Variants in LY96 observed in about 807,000 individuals in gnomAD.
The protein encoded by LY96 is lymphocyte antigen 96.
LY96 carries 18 observed loss-of-function variants against 18.9 expected under a neutral mutation model. The ratio of observed to expected loss-of-function variants is 0.95; its 90% CI spans 0.66 to 1.41. The LOEUF (loss-of-function observed/expected upper bound fraction) is 1.41, where lower values mean the gene tolerates loss of function less well. Among genes scored for constraint, LY96 ranks in the 40% most tolerant of loss-of-function variants. The probability of loss-of-function intolerance (pLI) is 0.00; values close to 1 mark genes in which losing one functional copy is unlikely to be tolerated. For synonymous variants in LY96, 66 were observed against 62.6 expected (o/e 1.06, Z -0.26); for missense variants, 175 against 182.4 (o/e 0.96, Z 0.23).
At chr8:74,017,136 AG>A (rs1387431564) in intron 3 of LY96, among the ~76,000 whole-genome samples, 1 of 152,238 alleles carries the variant, frequency 6.6e-6, no homozygotes, top group Non-Finnish European at 1.5e-5. Context: ...ACCCATCGCA[AG>A]GAAGCTAAAA....
chr8:74,012,363 A>G (rs1816548632), intron 3 of LY96, among the ~76,000 whole-genome samples: 1 of 152,256 alleles, frequency 6.6e-6, no homozygotes, highest in Admixed American at 6.5e-5. Context: ...CATTAAAAAA[A>G]TGAAATCATG....
the LY96 span, among the ~76,000 whole-genome samples, chr8:74,078,687 T>C: frequency 1.1e-4 from 16 of 152,288 alleles, no homozygotes; most frequent in South Asian, 3.1e-3. Flanking sequence ...AAATGCAAGC[T>C]GCACTGGTCC....
intron 3 of LY96, among the ~76,000 whole-genome samples, chr8:74,023,894 A>G (rs534891915): frequency 2.6e-5 from 4 of 152,232 alleles, no homozygotes; most frequent in Non-Finnish European, 5.9e-5. Context: ...ATGATATTAA[A>G]TTGCAATAAA....
chr8:74,021,475 A>G (rs568514017), intron 3 of LY96, among the ~76,000 whole-genome samples: 4 of 152,240 alleles, frequency 2.6e-5, no homozygotes, highest in African/African-American at 4.8e-5. Flanking sequence ...TGTTGGTGGG[A>G]GTGTAAACTA....
At chr8:74,040,041 G>C in the LY96 span, among the ~76,000 whole-genome samples, 1 of 152,074 alleles carries the variant, frequency 6.6e-6, no homozygotes, top group Admixed American at 6.5e-5. Context: ...GCCCTCAAGC[G>C]GCCCTTATGC....
the LY96 span, among the ~76,000 whole-genome samples, chr8:74,049,569 A>G: frequency 6.6e-6 from 1 of 152,200 alleles, no homozygotes; most frequent in African/African-American, 2.4e-5. Context: ...AATAAGTGCA[A>G]AAAGAAAAAA....
At chr8:74,032,588 G>A (rs532720492), downstream of LY96, among the ~76,000 whole-genome samples, 7 of 152,170 alleles carry the variant, frequency 4.6e-5, no homozygotes, top group Non-Finnish European at 8.8e-5. Context: ...TTGCTCAGTC[G>A]GAGAGCTCGG....
chr8:74,007,643 CTGAT>C (rs1816441461), intron 2 of LY96, among the ~76,000 whole-genome samples: 1 of 152,222 alleles, frequency 6.6e-6, no homozygotes, highest in Non-Finnish European at 1.5e-5. Context: ...ATATTATTAA[CTGAT>C]TGACAAATCA....
the LY96 span, among the ~76,000 whole-genome samples, chr8:74,065,206 A>C: frequency 1.3e-5 from 2 of 152,198 alleles, no homozygotes. Context: ...GTAATGATTT[A>C]TATCTTTGCC....
rs1563710943 is a variant in LY96 at position 74,002,093 on chromosome 8, T to TTCTTTCTTTC, written c.113-2700_113-2699insTTCTTTCTCT. Among the ~76,000 whole-genome samples the TTCTTTCTTTC allele has an allele frequency of 2.5e-3, 96 of 38,724 alleles. 13 individuals are homozygous for TTCTTTCTTTC. The highest frequency in any genetic ancestry group is 4.7e-3 in the Admixed American group (13 of 2,770). The allele number at this position is 38,724 out of a possible 152,430, so 25.4% of individuals were successfully genotyped here. On this transcript the variant is annotated intron_variant, in intron 1 of 4. Transcript: ENST00000284818. ...TTCCTTCCTTTCTTTCTTTCTTTCT[T>TTCTTTCTTTC]TCTCTCTCTCTCTCTCTCTCTCTCT... is the stretch of plus-strand genomic sequence containing the variant.
the LY96 span, among the ~76,000 whole-genome samples, chr8:74,064,904 G>A: frequency 1.3e-5 from 2 of 152,144 alleles, no homozygotes; most frequent in Admixed American, 6.5e-5. Flanking sequence ...TACATAAGCT[G>A]TACATTAGTG....
At chr8:74,013,425 G>A (rs1003872485) in intron 3 of LY96, among the ~76,000 whole-genome samples, 6 of 151,944 alleles carry the variant, frequency 3.9e-5, no homozygotes, top group East Asian at 1.9e-4. Context: ...GTGAGCCACC[G>A]CACCTGGCCC....
At chr8:74,077,546 G>A in the LY96 span, among the ~76,000 whole-genome samples, 1 of 152,262 alleles carries the variant, frequency 6.6e-6, no homozygotes, top group South Asian at 2.1e-4. Flanking sequence ...AGGACTGATA[G>A]ATAAAACAAG....
chr8:74,092,841 G>T, the LY96 span, among the ~76,000 whole-genome samples: 287 of 152,108 alleles, frequency 1.9e-3, 7 homozygotes, highest in South Asian at 0.042. Flanking sequence ...AGTTCTTGCC[G>T]CCTCCTCTCT....
chr8:74,005,742 G>C (rs141253993), intron 2 of LY96, among the ~76,000 whole-genome samples: 130 of 152,276 alleles, frequency 8.5e-4, no homozygotes, highest in African/African-American at 3.1e-3. Flanking sequence ...GCATGGGGCT[G>C]TATCTCAGTC....
chr8:74,027,846 C>A (rs1816901402), intron 4 of LY96, among the ~76,000 whole-genome samples: 1 of 152,130 alleles, frequency 6.6e-6, no homozygotes, highest in African/African-American at 2.4e-5. Context: ...GCCTCAGGAA[C>A]TTTACTTAAT....
the LY96 span, chr8:74,099,324 C>T: frequency 3.3e-5 from 5 of 152,206 alleles, no homozygotes; most frequent in Admixed American, 6.5e-5. Flanking sequence ...AGCCATTAGG[C>T]CTTCTTCCCT....
At chr8:74,074,172 G>T in the LY96 span, among the ~76,000 whole-genome samples, 5 of 151,984 alleles carry the variant, frequency 3.3e-5, no homozygotes, top group East Asian at 9.7e-4. Context: ...TAATGTTTTT[G>T]TAGTTTTAGT....
chr8:74,026,060 A>G (rs1816865180), intron 3 of LY96, among the ~76,000 whole-genome samples: 1 of 152,198 alleles, frequency 6.6e-6, no homozygotes, highest in Non-Finnish European at 1.5e-5. Context: ...AAGTAAATAA[A>G]TAAATGCTTA....
Sources: allele counts gnomAD v4.1 joint callset (sites outside exome capture counted in the v4.1 genomes callset), GRCh38; gene constraint gnomAD v4.1.1; transcripts MANE v1.5; gene names NCBI Gene and HGNC (gene_info 2026-07-23, HGNC 2026-07-21).